SPTBN2: variants seen among roughly 807,000 people sequenced by gnomAD.
SPTBN2 encodes the protein spectrin beta chain, non-erythrocytic 2.
Under a neutral mutation model 284.2 loss-of-function variants are expected in SPTBN2, and 107 were observed. That is an observed-to-expected ratio of 0.38 (90% confidence interval 0.32 to 0.44). SPTBN2 has a LOEUF of 0.44. Among genes scored for constraint, SPTBN2 ranks in the 20% least tolerant of loss-of-function variants. The probability of loss-of-function intolerance (pLI) is 1.00; values close to 1 mark genes in which losing one functional copy is unlikely to be tolerated. For synonymous variants in SPTBN2, 1,289 were observed against 1,354.8 expected, an observed-to-expected ratio of 0.95 and a Z score of 1.07; for missense variants, 2,569 against 3,287.1, an observed-to-expected ratio of 0.78 and a Z score of 5.34.
chr11:66,703,771 G>C (rs1941374638), intron 15 of SPTBN2, among the ~76,000 whole-genome samples: 1 of 151,912 alleles, frequency 6.6e-6, no homozygotes, highest in South Asian at 2.1e-4. Flanking sequence ...TGTTCTATGT[G>C]ATAATGGTAT....
chr11:66,740,680 C>T (rs911202037), intron 1 of SPTBN2, among the ~76,000 whole-genome samples: 4 of 152,090 alleles, frequency 2.6e-5, no homozygotes, highest in African/African-American at 9.7e-5. Flanking sequence ...GCTCAGGACC[C>T]GAGAGAAGCA....
chr11:66,690,821 TTTTC>T (rs935381824), intron 27 of SPTBN2, among the ~76,000 whole-genome samples: 2 of 152,128 alleles, frequency 1.3e-5, no homozygotes, highest in East Asian at 1.9e-4. Context: ...GCCAGAGATG[TTTTC>T]TTTCTTTTTG....
At position 66,692,572 on chromosome 11, in the gene SPTBN2, GGCC is replaced by G. The variant is rs1940629228; in HGVS notation, c.5151_5153del (p.Ala1718del). ...CGTAGTCCTGGCCCAGCTCGTGGGA[GGCC>G]GCCACCACCTCGCGCTCCTGGATCC... On this transcript the variant is annotated inframe_deletion, in exon 26 of 38. Transcript: ENST00000533211. 1.2e-6 allele frequency: 2 copies of G among 1,605,840 alleles called. No individual in the cohort carries two copies. The highest frequency in any genetic ancestry group is 1.7e-6 in the Non-Finnish European group (2 of 1,179,932).
rs1414298816 is a variant in SPTBN2 at position 66,702,718 on chromosome 11, C to T, written c.2679-997G>A. The stretch of plus-strand genomic sequence containing the variant: ...CTTTGGGAGGCTGAGATGGGTGGAT[C>T]ACAAGGTCAGGAGATCGAGACCATC... On this transcript the variant is annotated intron_variant, in intron 15 of 37. Transcript: ENST00000533211. Among the ~76,000 whole-genome samples, 3 of 151,642 alleles carry T rather than the reference C, an allele frequency of 2.0e-5. No individual in the cohort carries two copies. The East Asian group carries it at 6.0e-4, about 30-fold the overall frequency.
intron 1 of SPTBN2, among the ~76,000 whole-genome samples, chr11:66,743,143 G>A (rs1216393879): frequency 6.7e-6 from 1 of 149,776 alleles, no homozygotes; most frequent in Non-Finnish European, 1.5e-5. Flanking sequence ...TCTGCGGGGG[G>A]TGTGGGGGGA....
chr11:66,706,669 A>G (rs1204023320), intron 13 of SPTBN2, among the ~76,000 whole-genome samples: 1 of 143,398 alleles, frequency 7.0e-6, no homozygotes, highest in Non-Finnish European at 1.5e-5. Flanking sequence ...TTGCTCTATC[A>G]CCTAGGCTGG....
At position 66,687,193 on chromosome 11, in the gene SPTBN2, C is replaced by T. The variant is rs1477784437; in HGVS notation, c.6723-26G>A. 6.2e-7 allele frequency: 1 copy of T among 1,612,630 alleles called. No individual in the cohort carries two copies. Among genetic ancestry groups the T allele is most frequent in the Non-Finnish European group, 8.5e-7 (1 of 1,179,862 alleles). ...CTGCGAGGGACGCGGTGCTGACTGG[C>T]CGGCCTCAGTGGCGCCCGCAACCTG... On this transcript the variant is annotated intron_variant, in intron 35 of 37. Coordinates refer to ENST00000533211, the MANE Select transcript of SPTBN2 (RefSeq NM_006946.4). The surrounding 1 kb of genome is among the most constrained non-coding windows in gnomAD (Gnocchi z 5.2).
At chr11:66,692,515 G>A in intron 26 of SPTBN2, 21 bp downstream of exon 26, 1 of 1,599,548 alleles carries the variant, frequency 6.3e-7, no homozygotes, top group East Asian at 2.2e-5. Flanking sequence ...GATCTGAGCT[G>A]GGTGCCCTCC....
At chr11:66,740,031 A>G (rs1269289615) in intron 1 of SPTBN2, among the ~76,000 whole-genome samples, 1 of 151,812 alleles carries the variant, frequency 6.6e-6, no homozygotes, top group East Asian at 1.9e-4. Context: ...AAACTCCTTC[A>G]AAAAAAAGCC....
Position 66,715,596 on chromosome 11 carries a change from C to A in SPTBN2, c.310-201G>T, listed in dbSNP as rs1257117816. Among the ~76,000 whole-genome samples, 1 of 152,206 alleles carries A rather than the reference C, an allele frequency of 6.6e-6. No individual in the cohort carries two copies. The highest frequency in any genetic ancestry group is 6.5e-5 in the Admixed American group (1 of 15,284). On this transcript the variant is annotated intron_variant, in intron 4 of 37. Transcript: ENST00000533211. This position sits in a 1 kb window ranked among gnomAD's most constrained non-coding sequence, Gnocchi z 5.3. ...GATTCCCAAGGGAATTAATTGCACC[C>A]AGAGTAGGTGGGAAAAGAAATGTTT...
chr11:66,688,460 G>A (rs745834301), intron 31 of SPTBN2, 149 bp from the exon 32 acceptor site: 173 of 1,518,916 alleles, frequency 1.1e-4, no homozygotes, highest in Non-Finnish European at 1.3e-4. Context: ...AAGAAACAAA[G>A]CGGGAGAAGG....
At position 66,710,065 on chromosome 11, in the gene SPTBN2, C is replaced by T. The variant is rs907123738; in HGVS notation, c.1073+517G>A. Among the ~76,000 whole-genome samples the T allele has an allele frequency of 1.3e-5, 2 of 152,156 alleles. No individual in the cohort carries two copies. The highest frequency in any genetic ancestry group is 6.5e-5 in the Admixed American group (1 of 15,272). ...CAGCATGTTTGTTTGTTTTTTGAGA[C>T]GGAGTCTTGCTCTGTCACCCAGGTT... On this transcript the variant is annotated intron_variant, in intron 10 of 37. Transcript: ENST00000533211. The surrounding 1 kb of genome is among the most constrained non-coding windows in gnomAD (Gnocchi z 4.9).
Position 66,703,715 on chromosome 11 carries a change from T to A in SPTBN2, c.2678+883A>T, listed in dbSNP as rs953802736. 2.1e-4 allele frequency among the ~76,000 whole-genome samples: 32 copies of A among 151,798 alleles called. 1 individual carries two copies. The highest frequency in any genetic ancestry group is 7.5e-4 in the African/African-American group (31 of 41,330). On this transcript the variant is annotated intron_variant, in intron 15 of 37. Transcript: ENST00000533211. ...TCGCACCACTGCGCTCCAGCCTGGG[T>A]GACAGAGTGAGACTCCATCTCAAAA...
At chr11:66,697,705 G>A (rs545193911) in intron 20 of SPTBN2, among the ~76,000 whole-genome samples, 2 of 152,228 alleles carry the variant, frequency 1.3e-5, no homozygotes, top group African/African-American at 4.8e-5. Flanking sequence ...AGGCTTCAAC[G>A]GGGCCACTCT....
chr11:66,687,110 A>T lies in SPTBN2; in HGVS notation c.6780T>A (p.Asp2260Glu). ...LRRGSLGFYK[D>E]AKAASAGVPY... The stretch of plus-strand genomic sequence containing the variant: ...GCACTCCCGCGCTGGCTGCCTTGGC[A>T]TCCTTGTAAAAGCCGAGGCTCCCAC... Residue 2260 changes from aspartate (D) to glutamate (E), a missense_variant, in exon 36 of 38, where the codon GAT becomes GAA. Asp to Glu is a conservative substitution (Grantham distance 45). Transcript: ENST00000533211. The surrounding 1 kb of genome is among the most constrained non-coding windows in gnomAD (Gnocchi z 5.2). 1 of 1,614,032 alleles carries T rather than the reference A, an allele frequency of 6.2e-7. No individual in the cohort carries two copies. The highest frequency in any genetic ancestry group is 8.5e-7 in the Non-Finnish European group (1 of 1,180,020).
At chr11:66,723,189 A>C (rs1336146388) in intron 1 of SPTBN2, among the ~76,000 whole-genome samples, 4 of 151,958 alleles carry the variant, frequency 2.6e-5, no homozygotes, top group African/African-American at 9.7e-5. Flanking sequence ...TGAGGTTCAG[A>C]ATATCTGCTG....
At chr11:66,722,218 T>C (rs1490384012) in intron 1 of SPTBN2, among the ~76,000 whole-genome samples, 1 of 152,128 alleles carries the variant, frequency 6.6e-6, no homozygotes, top group East Asian at 1.9e-4. Flanking sequence ...CACGTCACCA[T>C]AACTCCCTGT....
rs1355003847 is a variant in SPTBN2, at chr11:66,683,196, T to C, written c.*2675A>G. Reference sequence around the variant, plus strand: ...CATTCTCCTGCCTCAGCCTCCCAAGTAGCTGGGACTACAGGCGCCCGCCAC... The same window carrying C: ...CATTCTCCTGCCTCAGCCTCCCAAGCAGCTGGGACTACAGGCGCCCGCCAC... On this transcript the variant is annotated 3_prime_UTR_variant, in exon 38 of 38. Transcript: ENST00000533211. Among the ~76,000 whole-genome samples, 1 of 150,406 alleles carries C rather than the reference T, an allele frequency of 6.6e-6. No homozygotes were observed. The highest frequency in any genetic ancestry group is 1.5e-5 in the Non-Finnish European group (1 of 67,508).
rs1445868692 is a variant in SPTBN2, at chr11:66,696,477, C to G, written c.4078G>C (p.Asp1360His). The change falls in exon 21 of 38, where the codon GAC becomes CAC. Residue 1360 changes from aspartate to histidine, a missense_variant. By Grantham distance (81) the Asp-to-His change is moderately conservative (BLOSUM62 -1). This residue lies in a region of SPTBN2 where 50 missense variants were observed against 48.1 expected (regional missense o/e 1.04). Transcript: ENST00000533211. The stretch of plus-strand genomic sequence containing the variant: ...AGCTCGTCCCAGCGCCTGTGCAGGT[C>G]TCTCAGCTTCTCCGACACCAGGGCT... ...LKALVSEKLR[D>H]LHRRWDELET... 1 of 1,612,398 alleles carries G rather than the reference C, an allele frequency of 6.2e-7. No homozygotes were observed. The highest frequency in any genetic ancestry group is 1.1e-5 in the South Asian group (1 of 91,088).
Sources: allele counts gnomAD v4.1 joint callset (sites outside exome capture counted in the v4.1 genomes callset), GRCh38; gene constraint gnomAD v4.1.1; regional missense constraint gnomAD v4.1.1; non-coding constraint Gnocchi (gnomAD v3.1); transcripts MANE v1.5; gene names NCBI Gene and HGNC (gene_info 2026-07-23, HGNC 2026-07-21).